Variants in CLEC6A observed in about 807,000 individuals in gnomAD.
CLEC6A encodes C-type lectin domain containing 6A, also known as C-type lectin domain family 6 member A.
A neutral mutation model predicts 25.7 loss-of-function variants in CLEC6A; 22 were observed. The ratio of observed to expected loss-of-function variants is 0.85; its 90% confidence interval spans 0.61 to 1.22. The LOEUF is 1.22. Ranked by LOEUF, CLEC6A falls within the 50% of genes most tolerant of loss-of-function variation. The pLI is 0.00. For synonymous variants in CLEC6A, 92 were observed against 76.7 expected, an observed-to-expected ratio of 1.20 and a Z score of -1.04; for missense variants, 240 against 236.8, an observed-to-expected ratio of 1.01 and a Z score of -0.09.
At chr12:8,474,609 C>A (rs1591710211) in intron 4 of CLEC6A, among the ~76,000 whole-genome samples, 3 of 152,290 alleles carry the variant, frequency 2.0e-5, no homozygotes, top group African/African-American at 7.2e-5. Context: ...AGAAGCACTA[C>A]TCCCCACCCT....
rs1940000330 is a variant in CLEC6A at position 8,477,916 on chromosome 12, C to T, written c.*452C>T. On this transcript the variant is annotated 3_prime_UTR_variant, in exon 6 of 6. Coordinates refer to ENST00000382073, the MANE Select transcript of CLEC6A (RefSeq NM_001007033.2). ...TGACAAGAGTTGAAAGACATGTTTT[C>T]TAGATGGCTCACTCACATGGCTGGC... 6.6e-6 allele frequency: 1 copy of T among 152,128 alleles called. No homozygotes were observed. Among genetic ancestry groups the T allele is most frequent in the African/African-American group, 2.4e-5 (1 of 41,426 alleles). The allele number at this position is 152,128 out of a possible 1,614,324, so 9.4% of individuals were successfully genotyped here. A position where few individuals can be genotyped will look rare whatever the true frequency, so the allele number is the denominator to read the frequency against.
intron 3 of CLEC6A, among the ~76,000 whole-genome samples, chr12:8,462,885 C>T (rs1388490564): frequency 2.0e-5 from 3 of 152,178 alleles, no homozygotes; most frequent in African/African-American, 7.2e-5. Flanking sequence ...TGTGGAGGGG[C>T]AACCCACCCC....
intron 2 of CLEC6A, among the ~76,000 whole-genome samples, chr12:8,458,833 T>C (rs61920556): frequency 0.74 from 111,823 of 151,646 alleles, 41,904 homozygotes; most frequent in East Asian, 0.99. Flanking sequence ...AAAGATTTGG[T>C]TGTATTGAGC....
chr12:8,459,190 A>C (rs747067580), intron 2 of CLEC6A, among the ~76,000 whole-genome samples: 39 of 152,082 alleles, frequency 2.6e-4, no homozygotes, highest in Non-Finnish European at 5.4e-4. Flanking sequence ...AAAAATTATC[A>C]GTTTTCACCT....
chr12:8,465,742 A>G, intron 4 of CLEC6A, 113 bp downstream of exon 4: 1 of 824,650 alleles, frequency 1.2e-6, no homozygotes, highest in East Asian at 3.0e-5. Flanking sequence ...TTTTCACATT[A>G]CTGGGTAACA....
At chr12:8,467,745 A>T (rs1044269455) in intron 4 of CLEC6A, among the ~76,000 whole-genome samples, 3 of 152,172 alleles carry the variant, frequency 2.0e-5, no homozygotes, top group African/African-American at 7.2e-5. Context: ...TTTGGTAGGG[A>T]TCACATTGAC....
chr12:8,465,341 CAATTCTAGGAACCCA>C lies in CLEC6A; in HGVS notation c.224-135_224-121del. 4.4e-6 allele frequency: 3 copies of C among 680,360 alleles called. No homozygotes were observed. The South Asian group carries it at 7.1e-5, about 16-fold the overall frequency. The allele number at this position is 680,360 out of a possible 1,614,324, so 42.1% of individuals were successfully genotyped here. A position where few individuals can be genotyped will look rare whatever the true frequency, so the allele number is the denominator to read the frequency against. On this transcript the variant is annotated intron_variant, in intron 3 of 5. Transcript: ENST00000382073. Reference sequence around the variant, plus strand: ...ATGCTAAAGAATGTTTATGTGAAATCAATTCTAGGAACCCAAATTCTATAATTCAGGAAACAGTAA... The same window carrying C: ...ATGCTAAAGAATGTTTATGTGAAATCAATTCTATAATTCAGGAAACAGTAA...
At position 8,473,285 on chromosome 12, in the gene CLEC6A, C is replaced by T. The variant is rs1417806881; in HGVS notation, c.370-2840C>T. Among the ~76,000 whole-genome samples the T allele has an allele frequency of 2.4e-4, 2 of 8,210 alleles. 1 individual carries two copies. Among genetic ancestry groups the T allele is most frequent in the Non-Finnish European group, 8.1e-4 (2 of 2,454 alleles). 5.4% of individuals were successfully genotyped at this position (8,210 alleles called of 152,430 possible). ...CTGGGATTACAGGCGTGAGCCACCG[C>T]GCCCGGCCAGCTCCTACTTCTTATA... On this transcript the variant is annotated intron_variant, in intron 4 of 5. Coordinates refer to ENST00000382073, the MANE Select transcript of CLEC6A (RefSeq NM_001007033.2).
intron 3 of CLEC6A, among the ~76,000 whole-genome samples, chr12:8,462,011 C>G (rs962949406): frequency 6.6e-6 from 1 of 152,170 alleles, no homozygotes; most frequent in Non-Finnish European, 1.5e-5. Context: ...CATTTTGTTC[C>G]GTACTAAGAA....
At chr12:8,465,457 C>CT (rs747949709) in intron 3 of CLEC6A, 27 bp from the exon 4 acceptor site, 39 of 1,610,086 alleles carry the variant, frequency 2.4e-5, no homozygotes, top group East Asian at 4.5e-5. Flanking sequence ...TGCACTCACT[C>CT]TTTTTTTTCA....
chr12:8,468,320 A>G (rs1285181513), intron 4 of CLEC6A, among the ~76,000 whole-genome samples: 1 of 152,092 alleles, frequency 6.6e-6, no homozygotes, highest in Non-Finnish European at 1.5e-5. Context: ...AAATGATACT[A>G]TTTTTTCTAC....
chr12:8,458,434 A>G (rs1345185333), intron 2 of CLEC6A, among the ~76,000 whole-genome samples: 3 of 152,196 alleles, frequency 2.0e-5, no homozygotes, highest in African/African-American at 7.2e-5. Context: ...GAAATGATGG[A>G]GATAAAGAGG....
intron 2 of CLEC6A, among the ~76,000 whole-genome samples, 172 bp from the exon 3 acceptor site, chr12:8,459,425 A>T (rs1219073049): frequency 2.0e-5 from 3 of 152,102 alleles, no homozygotes; most frequent in South Asian, 2.1e-4. Flanking sequence ...GATATATATA[A>T]AAAAATAAGA....
In CLEC6A at chr12:8,458,524, T is replaced by A. The variant is rs190872785; in HGVS notation, c.121+537T>A. On this transcript the variant is annotated intron_variant, in intron 2 of 5. Coordinates refer to ENST00000382073, the MANE Select transcript of CLEC6A (RefSeq NM_001007033.2). ...TGTGTGAGAAGTCTTAAAGACCTTT[T>A]TCCTCTCCGATTCACAATTTGGATT... 1.7e-4 allele frequency among the ~76,000 whole-genome samples: 26 copies of A among 152,282 alleles called. No homozygotes were observed. In the East Asian group the frequency reaches 4.2e-3, roughly 25 times the overall value.
intron 3 of CLEC6A, among the ~76,000 whole-genome samples, chr12:8,464,739 G>C (rs1939808676): frequency 6.6e-6 from 1 of 152,078 alleles, no homozygotes; most frequent in Admixed American, 6.6e-5. Flanking sequence ...ATATATCAGT[G>C]GATTTGTATA....
chr12:8,465,867 A>G (rs1374848647), intron 4 of CLEC6A, among the ~76,000 whole-genome samples: 1 of 152,150 alleles, frequency 6.6e-6, no homozygotes, highest in Non-Finnish European at 1.5e-5. Flanking sequence ...TTCTGTTTCT[A>G]TGAGTTTGAC....
intron 1 of CLEC6A, among the ~76,000 whole-genome samples, chr12:8,457,273 C>G (rs1591704795): frequency 6.6e-6 from 1 of 152,282 alleles, no homozygotes; most frequent in African/African-American, 2.4e-5. Flanking sequence ...TATTCACTAC[C>G]TCCATGAGAT....
intron 5 of CLEC6A, among the ~76,000 whole-genome samples, chr12:8,477,044 C>T (rs1464384007): frequency 6.6e-6 from 1 of 152,016 alleles, no homozygotes; most frequent in Non-Finnish European, 1.5e-5. Context: ...AATAACCCCG[C>T]CAGCATAAAG....
chr12:8,472,994 C>T (rs865849584), intron 4 of CLEC6A, among the ~76,000 whole-genome samples: 5 of 3,578 alleles, frequency 1.4e-3, no homozygotes, highest in African/African-American at 1.9e-3. Context: ...GCTCCTACTT[C>T]TTTTTTTTTT....
Sources: allele counts gnomAD v4.1 joint callset (sites outside exome capture counted in the v4.1 genomes callset), GRCh38; gene constraint gnomAD v4.1.1; transcripts MANE v1.5; gene names NCBI Gene and HGNC (gene_info 2026-07-23, HGNC 2026-07-21).